MYO15A: variants seen among roughly 807,000 people sequenced by gnomAD.
MYO15A encodes the protein unconventional myosin-XV.
Under a neutral mutation model 394.6 loss-of-function variants are expected in MYO15A, and 308 were observed. That is an observed-to-expected ratio of 0.78 (90% CI 0.71 to 0.86). The LOEUF (loss-of-function observed/expected upper bound fraction) is 0.86, where lower values mean the gene tolerates loss of function less well. Ranked by LOEUF, MYO15A falls within the 40% of genes least tolerant of loss-of-function variation. MYO15A has a pLI of 0.00. For synonymous variants in MYO15A, 1,957 were observed against 2,003.8 expected (o/e 0.98, Z 0.62); for missense variants, 4,606 against 4,799.1 (o/e 0.96, Z 1.19).
chr17:18,145,739 A>G, intron 29 of MYO15A, 133 bp from the exon 30 acceptor site: 1 of 750,192 alleles, frequency 1.3e-6, no homozygotes, highest in South Asian at 1.5e-5. Flanking sequence ...TATAGCAGTT[A>G]TATTGTAATA....
rs770289681 is a variant in MYO15A, at chr17:18,136,596, G to A, written c.4689G>A (p.Leu1563=). The change falls in exon 15 of 66, where the codon CTG becomes CTA. Residue 1563 remains leucine, a synonymous_variant. Coordinates refer to ENST00000647165, the MANE Select transcript of MYO15A (RefSeq NM_016239.4). ...TCGCCAAGGTCTTGTATGCACTGCTGTTCAGCTGGCTCATCACCAGGGTCA... is the reference window on the plus strand; with the variant it reads ...TCGCCAAGGTCTTGTATGCACTGCTATTCAGCTGGCTCATCACCAGGGTCA... ...DAIAKVLYAL[L]FSWLITRVNA... 4 of 1,614,014 alleles carry A rather than the reference G, an allele frequency of 2.5e-6. No homozygotes were observed. Among genetic ancestry groups the A allele is most frequent in the Non-Finnish European group, 3.4e-6 (4 of 1,180,036 alleles).
chr17:18,126,541 G>A (rs1011938244), intron 5 of MYO15A, 85 bp downstream of exon 5: 25 of 1,354,098 alleles, frequency 1.8e-5, no homozygotes, highest in Non-Finnish European at 2.5e-5. Context: ...CTGCACCTGA[G>A]CCATGAGTCA....
rs1174942965 is a variant in MYO15A at position 18,131,220 on chromosome 17, A to G, written c.4039-19A>G. 5 of 1,607,392 alleles carry G rather than the reference A, an allele frequency of 3.1e-6. No homozygotes were observed. The East Asian group carries it at 6.7e-5, about 22-fold the overall frequency. The stretch of plus-strand genomic sequence containing the variant: ...CAGTGCCTAGCCCCTCAATTCCCAC[A>G]TCTCCTTCTGGAGTCCAGATCCTGG... On this transcript the variant is annotated intron_variant, in intron 8 of 65. Transcript: ENST00000647165.
chr17:18,130,108 G>A (rs763454959), intron 7 of MYO15A, among the ~76,000 whole-genome samples: 2 of 152,058 alleles, frequency 1.3e-5, no homozygotes, highest in African/African-American at 2.4e-5. Flanking sequence ...CTGGATCTCC[G>A]GGCCTCGTGA....
At position 18,152,261 on chromosome 17, in the gene MYO15A, G is replaced by C. The variant is rs73980807; in HGVS notation, c.7966+77G>C. 1.7e-3 allele frequency: 2,305 copies of C among 1,386,532 alleles called. 38 individuals are homozygous for C. In the African/African-American group the frequency reaches 0.03, roughly 18 times the overall value. 85.9% of individuals were successfully genotyped at this position (1,386,532 alleles called of 1,614,324 possible). On this transcript the variant is annotated intron_variant, in intron 42 of 65. Transcript: ENST00000647165. ...TCTGTGGGCACAGGTGAGTGTGTCGGTGGAGTGTGTGTGTCTATGTCCCTG... is the reference window on the plus strand; with the variant it reads ...TCTGTGGGCACAGGTGAGTGTGTCGCTGGAGTGTGTGTGTCTATGTCCCTG...
chr17:18,175,568 G>T (rs141746713), intron 65 of MYO15A, among the ~76,000 whole-genome samples: 1 of 151,922 alleles, frequency 6.6e-6, no homozygotes, highest in Non-Finnish European at 1.5e-5. Flanking sequence ...AGGGAGGGGC[G>T]TACATGTGTA....
Position 18,161,176 on chromosome 17 carries a change from A to G in MYO15A, c.9387-141A>G, listed in dbSNP as rs114195423. The G allele has an allele frequency of 2.4e-3, 3,049 of 1,254,216 alleles. 56 individuals carry two copies. The African/African-American group carries it at 0.04, about 17-fold the overall frequency. The allele number at this position is 1,254,216 out of a possible 1,614,324, so 77.7% of individuals were successfully genotyped here. A position where few individuals can be genotyped will look rare whatever the true frequency, so the allele number is the denominator to read the frequency against. The stretch of plus-strand genomic sequence containing the variant: ...TTCCCAAGCAGAATATGCCTTTTGC[A>G]TATCACTGCGCAGGGAGGGGCATCC... On this transcript the variant is annotated intron_variant, in intron 56 of 65. Transcript: ENST00000647165.
At chr17:18,146,425 G>A (rs1198597567) in intron 30 of MYO15A, among the ~76,000 whole-genome samples, 1 of 152,196 alleles carries the variant, frequency 6.6e-6, no homozygotes, top group Non-Finnish European at 1.5e-5. Context: ...GGGTGGTTAG[G>A]AGCATGGATA....
At chr17:18,114,616 T>C (rs1450730116) in intron 1 of MYO15A, among the ~76,000 whole-genome samples, 1 of 152,170 alleles carries the variant, frequency 6.6e-6, no homozygotes, top group African/African-American at 2.4e-5. Context: ...GCTACTGTAC[T>C]GGGACCATTC....
Position 18,120,418 on chromosome 17 carries a change from C to T in MYO15A, c.1618C>T (p.Arg540Cys), listed in dbSNP as rs921995850. ...PFWGFLTPRQ[R>C]NLQRALSAFG... ...CTGGGGCTTCCTCACGCCGCGCCAG[C>T]GCAACCTCCAGCGCGCGCTGTCGGC... The change falls in exon 2 of 66, where the codon CGC (arginine) becomes TGC (cysteine). Residue 540 changes from arginine (R) to cysteine (C), a missense_variant. By Grantham distance (180) the Arg-to-Cys change is radical. Transcript: ENST00000647165. 6.2e-6 allele frequency: 10 copies of T among 1,601,538 alleles called. No individual in the cohort carries two copies. The highest frequency in any genetic ancestry group is 2.7e-5 in the African/African-American group (2 of 74,704).
Position 18,152,099 on chromosome 17 carries a change from T to TG in MYO15A, c.7894-9dup. On this transcript the variant is annotated splice_polypyrimidine_tract_variant and intron_variant, in intron 41 of 65. Transcript: ENST00000647165. ...CCTGTTGCCCCCTGAGCAGTCTCTT[T>TG]GGGGTGGGACAGGTGTCCAGAGAGG... The TG allele has an allele frequency of 6.4e-7, 1 of 1,551,280 alleles. No homozygotes were observed. Among genetic ancestry groups the TG allele is most frequent in the Non-Finnish European group, 8.7e-7 (1 of 1,147,012 alleles).
In MYO15A at chr17:18,126,750, G is replaced by A. The variant is rs780702654; in HGVS notation, c.3867-41G>A. ...TGCCCAATCCCTGGGAGGTGTGGGA[G>A]CTTAGAGGCAGGGGCCAGCTCTAAT... On this transcript the variant is annotated intron_variant, in intron 5 of 65. Transcript: ENST00000647165. 2.5e-6 allele frequency: 4 copies of A among 1,604,738 alleles called. No individual in the cohort carries two copies. The South Asian group carries it at 4.4e-5, about 18-fold the overall frequency.
rs765619051 is a variant in MYO15A, at chr17:18,173,932, C to T, written c.10491+11C>T. The T allele has an allele frequency of 6.2e-7, 1 of 1,612,184 alleles. No individual in the cohort carries two copies. The highest frequency in any genetic ancestry group is 8.5e-7 in the Non-Finnish European group (1 of 1,179,422). On this transcript the variant is annotated intron_variant, in intron 65 of 65. Coordinates refer to ENST00000647165, the MANE Select transcript of MYO15A (RefSeq NM_016239.4). ...CTGCAGCTGGAGCAGGTGGGCCCAGCGCTAAGTCCAACATTCCACTCACTG... is the reference window on the plus strand; with the variant it reads ...CTGCAGCTGGAGCAGGTGGGCCCAGTGCTAAGTCCAACATTCCACTCACTG...
chr17:18,130,204 T>C (rs1439260473), intron 7 of MYO15A, among the ~76,000 whole-genome samples: 1 of 152,134 alleles, frequency 6.6e-6, no homozygotes, highest in Admixed American at 6.5e-5. Context: ...TCCATCCCTT[T>C]AGCAGATATT....
Position 18,161,066 on chromosome 17 carries a change from G to C in MYO15A, c.9387-251G>C, listed in dbSNP as rs1005716059. 4 of 651,432 alleles carry C rather than the reference G, an allele frequency of 6.1e-6. No homozygotes were observed. The African/African-American group carries it at 7.1e-5, about 12-fold the overall frequency. The allele number at this position is 651,432 out of a possible 1,614,324, so 40.4% of individuals were successfully genotyped here. A position where few individuals can be genotyped will look rare whatever the true frequency, so the allele number is the denominator to read the frequency against. Reference sequence around the variant, plus strand: ...TTGTGAGGCAGAGAAGAGAAGAATAGGAGAGGAAAGAGTCGCAGTGCTTCC... The same window carrying C: ...TTGTGAGGCAGAGAAGAGAAGAATACGAGAGGAAAGAGTCGCAGTGCTTCC... On this transcript the variant is annotated intron_variant, in intron 56 of 65. Transcript: ENST00000647165.
At position 18,153,612 on chromosome 17, in the gene MYO15A, C is replaced by T. The variant is rs567541843; in HGVS notation, c.7967-163C>T. The stretch of plus-strand genomic sequence containing the variant: ...ACTCAGGAGGCTGAGGCAGGAGAAT[C>T]GCTTGAACCCAGGAGGCGGAGCTTG... On this transcript the variant is annotated intron_variant, in intron 42 of 65. Transcript: ENST00000647165. This position sits in a 1 kb window ranked among gnomAD's most constrained non-coding sequence, Gnocchi z 4.1. 14 of 608,822 alleles carry T rather than the reference C, an allele frequency of 2.3e-5. No individual in the cohort carries two copies. The highest frequency in any genetic ancestry group is 2.9e-5 in the Non-Finnish European group (13 of 447,294). 37.7% of individuals were successfully genotyped at this position (608,822 alleles called of 1,614,324 possible).
intron 65 of MYO15A, chr17:18,178,297 G>A: frequency 7.4e-6 from 2 of 270,696 alleles, no homozygotes; most frequent in South Asian, 7.8e-5. Context: ...TTAAACCTGG[G>A]AGGCGGAGGT....
Position 18,178,751 on chromosome 17 carries a change from T to G in MYO15A, c.10492-18T>G. 2 of 1,611,586 alleles carry G rather than the reference T, an allele frequency of 1.2e-6. No individual in the cohort carries two copies. Among genetic ancestry groups the G allele is most frequent in the Non-Finnish European group, 1.7e-6 (2 of 1,177,718 alleles). On this transcript the variant is annotated intron_variant, in intron 65 of 65. Coordinates refer to ENST00000647165, the MANE Select transcript of MYO15A (RefSeq NM_016239.4). ...GGGGAAGTGTTGGATGGGCGTGGAC[T>G]GTCACTGTCACCTGCAGGGACTGGA...
At chr17:18,156,405 A>T in intron 48 of MYO15A, 69 bp downstream of exon 48, 1 of 1,532,800 alleles carries the variant, frequency 6.5e-7, no homozygotes, top group Non-Finnish European at 9.0e-7. Flanking sequence ...TCCCTGTTCC[A>T]GGGAAATATG....
Sources: allele counts gnomAD v4.1 joint callset (sites outside exome capture counted in the v4.1 genomes callset), GRCh38; gene constraint gnomAD v4.1.1; non-coding constraint Gnocchi (gnomAD v3.1); transcripts MANE v1.5; gene names NCBI Gene and HGNC (gene_info 2026-07-23, HGNC 2026-07-21).